NTM: variants seen among roughly 807,000 people sequenced by gnomAD.
NTM encodes the protein neurotrimin.
A neutral mutation model predicts 42.1 loss-of-function variants in NTM; 13 were observed. That is an observed-to-expected ratio of 0.31 (90% CI 0.20 to 0.49). The LOEUF (loss-of-function observed/expected upper bound fraction) is 0.49. Ranked by LOEUF, NTM falls within the 20% of genes least tolerant of loss-of-function variation. NTM has a pLI of 0.99. For missense variants in NTM, 373 were observed against 452.8 expected (o/e 0.82, Z 1.60); for synonymous variants, 187 against 179.2 (o/e 1.04, Z -0.35).
At chr11:132,332,542 C>T (rs116410538) in intron 8 of NTM, 4 of 152,252 alleles carry the variant, frequency 2.6e-5, no homozygotes, top group Non-Finnish European at 4.4e-5. Flanking sequence ...GGACACGACT[C>T]GTCTTTACAA....
chr11:131,738,434 G>C (rs1427062724), intron 1 of NTM, among the ~76,000 whole-genome samples: 1 of 152,204 alleles, frequency 6.6e-6, no homozygotes, highest in African/African-American at 2.4e-5. Flanking sequence ...GTGTTCACCT[G>C]CTAAAAATGG....
intron 2 of NTM, among the ~76,000 whole-genome samples, chr11:132,125,475 G>A (rs2065566606): frequency 8.5e-6 from 1 of 117,524 alleles, no homozygotes; most frequent in Non-Finnish European, 1.8e-5. Context: ...TGTGTGGTGT[G>A]TGATGTGTCT....
At chr11:131,765,699 C>T (rs895932397) in intron 1 of NTM, among the ~76,000 whole-genome samples, 5 of 152,192 alleles carry the variant, frequency 3.3e-5, no homozygotes, top group Admixed American at 6.5e-5. Flanking sequence ...GCACCGGGCC[C>T]GGCTTCACAG....
intron 3 of NTM, among the ~76,000 whole-genome samples, chr11:132,185,851 T>C (rs983312897): frequency 1.3e-5 from 2 of 152,154 alleles, no homozygotes; most frequent in African/African-American, 4.8e-5. Context: ...ACTTTATTTT[T>C]GGGCTCGGAT....
chr11:132,329,125 A>G (rs1364075199), intron 7 of NTM, among the ~76,000 whole-genome samples: 1 of 152,132 alleles, frequency 6.6e-6, no homozygotes, highest in Non-Finnish European at 1.5e-5. Context: ...CTTTGAGCAA[A>G]TGTTTTAGTT....
At chr11:132,282,320 G>A (rs931833098) in intron 4 of NTM, among the ~76,000 whole-genome samples, 11 of 152,160 alleles carry the variant, frequency 7.2e-5, no homozygotes, top group Admixed American at 1.3e-4. Context: ...TGTCACCAGA[G>A]CAGCTGAGCT....
At chr11:132,064,016 T>C (rs1314952704) in intron 2 of NTM, among the ~76,000 whole-genome samples, 1 of 151,994 alleles carries the variant, frequency 6.6e-6, no homozygotes, top group East Asian at 1.9e-4. Flanking sequence ...CCATTCCCTC[T>C]AAAAGCTAAC....
At chr11:132,326,459 T>C in intron 7 of NTM, among the ~76,000 whole-genome samples, 1 of 152,160 alleles carries the variant, frequency 6.6e-6, no homozygotes, top group East Asian at 1.9e-4. Context: ...GCAAACAGGT[T>C]ACTTTACCTG....
rs12098969 is a variant in NTM at position 131,545,517 on chromosome 11, T to G, written c.82+174629T>G. 1.4e-3 allele frequency among the ~76,000 whole-genome samples: 218 copies of G among 152,268 alleles called. 1 individual carries two copies. Among genetic ancestry groups the G allele is most frequent in the African/African-American group, 5.1e-3 (210 of 41,564 alleles). ...CCATACATCTATCCATCCACCCATT[T>G]ATTCCACCAGCATTCACTGAGCATC... On this transcript the variant is annotated intron_variant, in intron 1 of 8. Transcript: ENST00000683400.
At chr11:131,906,902 C>T (rs1029309151) in intron 1 of NTM, among the ~76,000 whole-genome samples, 5 of 152,118 alleles carry the variant, frequency 3.3e-5, no homozygotes, top group Non-Finnish European at 7.3e-5. Context: ...CCCAGATGAA[C>T]CACGATTTTA....
In NTM at chr11:131,681,341, G is replaced by C. The variant is rs1223347192; in HGVS notation, c.83-230223G>C. Reference sequence around the variant, plus strand: ...TGTGTGTGTGAGCGTGTGTGTTTCTGTGTCTGTGTGTATGTCTCCCTGTGT... The same window carrying C: ...TGTGTGTGTGAGCGTGTGTGTTTCTCTGTCTGTGTGTATGTCTCCCTGTGT... On this transcript the variant is annotated intron_variant, in intron 1 of 8. Transcript: ENST00000683400. Among the ~76,000 whole-genome samples the C allele has an allele frequency of 3.5e-4, 6 of 17,388 alleles. 2 individuals carry two copies. Among genetic ancestry groups the C allele is most frequent in the Admixed American group, 7.7e-4 (1 of 1,306 alleles). The allele number at this position is 17,388 out of a possible 152,430, so 11.4% of individuals were successfully genotyped here.
At chr11:132,265,486 T>A (rs942303264) in intron 4 of NTM, among the ~76,000 whole-genome samples, 6 of 152,212 alleles carry the variant, frequency 3.9e-5, no homozygotes, top group African/African-American at 1.2e-4. Context: ...CTCCCTTGCC[T>A]TCTGAACCTC....
Position 132,306,119 on chromosome 11 carries a change from C to T in NTM, c.527-1570C>T, listed in dbSNP as rs575020217. ...CTTATCATGGCCAAAGAGTGCTGAT[C>T]GAATGGAACAAGGCAGTGGCCCTTG... On this transcript the variant is annotated intron_variant, in intron 4 of 8. Coordinates refer to ENST00000683400, the MANE Select transcript of NTM (RefSeq NM_001352005.2). 6.2e-4 allele frequency among the ~76,000 whole-genome samples: 94 copies of T among 152,262 alleles called. 1 individual carries two copies. The highest frequency in any genetic ancestry group is 1.1e-3 in the Non-Finnish European group (78 of 68,026).
chr11:131,806,539 T>C (rs2092493234), intron 1 of NTM, among the ~76,000 whole-genome samples: 1 of 152,148 alleles, frequency 6.6e-6, no homozygotes, highest in Admixed American at 6.6e-5. Context: ...GTTGAGGATG[T>C]TAAACTGTAA....
chr11:131,949,877 A>G (rs2060785259), intron 2 of NTM, among the ~76,000 whole-genome samples: 4 of 150,394 alleles, frequency 2.7e-5, no homozygotes, highest in Admixed American at 2.7e-4. Context: ...CATTCATCCT[A>G]TTGAGACTCT....
chr11:131,647,410 A>G (rs1263448440), intron 1 of NTM, among the ~76,000 whole-genome samples: 2 of 152,186 alleles, frequency 1.3e-5, no homozygotes, highest in Admixed American at 6.5e-5. Flanking sequence ...GCAGCCCTAC[A>G]CTGCCTGTGG....
intron 1 of NTM, among the ~76,000 whole-genome samples, chr11:131,511,930 G>A (rs906723749): frequency 1.3e-5 from 2 of 152,174 alleles, no homozygotes; most frequent in Admixed American, 1.3e-4. Flanking sequence ...GATGGCAGGT[G>A]CAGGGCCCGG....
At chr11:131,658,510 G>A (rs542917692) in intron 1 of NTM, among the ~76,000 whole-genome samples, 3 of 152,122 alleles carry the variant, frequency 2.0e-5, no homozygotes, top group Non-Finnish European at 4.4e-5. Context: ...GTTTGTCCTC[G>A]CATTCTCTCT....
chr11:131,867,440 CAT>C (rs1189891092), intron 1 of NTM, among the ~76,000 whole-genome samples: 1 of 151,246 alleles, frequency 6.6e-6, no homozygotes, highest in Non-Finnish European at 1.5e-5. Context: ...TGTGAATAAC[CAT>C]ATGTGTATGT....
Sources: gnomAD v4.1 joint callset for allele counts (sites outside exome capture counted in the v4.1 genomes callset) on GRCh38, gnomAD v4.1.1 for gene constraint, MANE v1.5 for transcripts, NCBI Gene and HGNC (gene_info 2026-07-23, HGNC 2026-07-21) for gene names.